Variants in SUSD3 observed in about 807,000 individuals in gnomAD.
The protein encoded by SUSD3 is sushi domain-containing protein 3.
A neutral mutation model predicts 20.6 loss-of-function variants in SUSD3; 18 were observed. That is an observed-to-expected ratio of 0.87 (90% CI 0.60 to 1.30). SUSD3 has a LOEUF of 1.30. SUSD3 is among the 50% of genes most tolerant of loss of function. The probability of loss-of-function intolerance (pLI) is 0.00; values close to 1 mark genes in which losing one functional copy is unlikely to be tolerated. For synonymous variants in SUSD3, 137 were observed against 141.5 expected (o/e 0.97, Z 0.23); for missense variants, 306 against 346.9 (o/e 0.88, Z 0.94).
chr9:93,071,638 C>T (rs1327038825), intron 1 of SUSD3, among the ~76,000 whole-genome samples: 1 of 152,170 alleles, frequency 6.6e-6, no homozygotes, highest in African/African-American at 2.4e-5. Flanking sequence ...CGATACATTG[C>T]GTCCTTCAAT....
intron 1 of SUSD3, among the ~76,000 whole-genome samples, chr9:93,065,566 G>A (rs4263832): frequency 6.6e-6 from 1 of 152,226 alleles, no homozygotes; most frequent in Non-Finnish European, 1.5e-5. Context: ...TAAGGACTGG[G>A]AAGTGTTGGC....
chr9:93,083,571 G>A (rs1408959079), intron 4 of SUSD3, among the ~76,000 whole-genome samples: 1 of 152,228 alleles, frequency 6.6e-6, no homozygotes, highest in East Asian at 1.9e-4. Context: ...TCACCTAGGG[G>A]TGGGTACTAC....
At chr9:93,072,500 T>C (rs1194861281) in intron 1 of SUSD3, among the ~76,000 whole-genome samples, 1 of 152,186 alleles carries the variant, frequency 6.6e-6, no homozygotes, top group African/African-American at 2.4e-5. Flanking sequence ...CTTCGGAGCC[T>C]GGCCTGAAGC....
At position 93,079,576 on chromosome 9, in the gene SUSD3, G is replaced by A; in HGVS notation, c.531G>A (p.Gln177=). Residue 177 remains glutamine (Q), a synonymous_variant, in exon 4 of 5, where the codon CAG becomes CAA. Transcript: ENST00000375472. The stretch of plus-strand genomic sequence containing the variant: ...ACAAACCCGTGAGCGGGCCCAGCCA[G>A]GCGCACGACAACCACAGCTTCACCA... The part of the protein sequence containing the change: ...HFNKPVSGPS[Q]AHDNHSFTTD... The A allele has an allele frequency of 6.2e-7, 1 of 1,613,998 alleles. No individual in the cohort carries two copies. The highest frequency in any genetic ancestry group is 2.2e-5 in the East Asian group (1 of 44,876).
chr9:93,066,926 TG>T (rs1465792849), intron 1 of SUSD3, among the ~76,000 whole-genome samples: 1 of 152,180 alleles, frequency 6.6e-6, no homozygotes, highest in East Asian at 1.9e-4. Context: ...CAGGCTGGTC[TG>T]GAACTCCTGA....
At chr9:93,064,867 A>C (rs777486729) in intron 1 of SUSD3, among the ~76,000 whole-genome samples, 1 of 152,158 alleles carries the variant, frequency 6.6e-6, no homozygotes, top group Non-Finnish European at 1.5e-5. Flanking sequence ...GGCCGGGCCT[A>C]CCCTCAAACC....
chr9:93,075,411 CTTT>C (rs58393196), intron 1 of SUSD3, among the ~76,000 whole-genome samples: 2 of 101,272 alleles, frequency 2.0e-5, no homozygotes, highest in African/African-American at 4.1e-5. Context: ...CTCTGTCCCT[CTTT>C]TTTTTTTTTT....
intron 1 of SUSD3, chr9:93,069,168 C>T: frequency 1.4e-6 from 1 of 702,276 alleles, no homozygotes; most frequent in Non-Finnish European, 2.6e-6. Flanking sequence ...ACACTGTGAG[C>T]CACTCTGAGT....
At chr9:93,060,450 T>G (rs1274992146) in intron 1 of SUSD3, among the ~76,000 whole-genome samples, 2 of 152,176 alleles carry the variant, frequency 1.3e-5, no homozygotes, top group Non-Finnish European at 2.9e-5. Flanking sequence ...ATCACTCCCC[T>G]GCCATGTGAC....
At chr9:93,082,420 C>T (rs899515530) in intron 4 of SUSD3, among the ~76,000 whole-genome samples, 4 of 150,186 alleles carry the variant, frequency 2.7e-5, no homozygotes, top group African/African-American at 9.8e-5. Flanking sequence ...CGGGTTCACA[C>T]CATTCTCCTG....
At chr9:93,066,684 C>T (rs1825727110) in intron 1 of SUSD3, among the ~76,000 whole-genome samples, 1 of 151,956 alleles carries the variant, frequency 6.6e-6, no homozygotes, top group African/African-American at 2.4e-5. Flanking sequence ...CAGATATGTG[C>T]TACCATCACT....
At chr9:93,064,150 C>T (rs1825615433) in intron 1 of SUSD3, among the ~76,000 whole-genome samples, 1 of 152,236 alleles carries the variant, frequency 6.6e-6, no homozygotes, top group Non-Finnish European at 1.5e-5. Context: ...CTGGTTCAAG[C>T]AATTCTCCTG....
rs1825380406 is a variant in SUSD3 at position 93,058,749 on chromosome 9, T to C, written c.7T>C (p.Trp3Arg). The C allele has an allele frequency of 8.1e-7, 1 of 1,235,004 alleles. No individual in the cohort carries two copies. The highest frequency in any genetic ancestry group is 1.6e-5 in the African/African-American group (1 of 64,184). The allele number at this position is 1,235,004 out of a possible 1,614,324, so 76.5% of individuals were successfully genotyped here. A position where few individuals can be genotyped will look rare whatever the true frequency, so the allele number is the denominator to read the frequency against. The change falls in exon 1 of 5, where the codon TGG becomes CGG. Residue 3 changes from tryptophan (W) to arginine (R), a missense_variant. Transcript: ENST00000375472. The stretch of plus-strand genomic sequence containing the variant: ...GCGCCTCGGAGCGCGCAGGATGCGC[T>C]GGGCGGCCGCCACCCTCCGTGGCAA... MR[W>R]AAATLRGKAR...
chr9:93,075,810 C>A lies in SUSD3; in HGVS notation c.115C>A (p.Pro39Thr). The change falls in exon 2 of 5, where the codon CCG becomes ACG. Residue 39 changes from proline to threonine, a missense_variant. By Grantham distance (38) the Pro-to-Thr change is conservative (BLOSUM62 -1). Coordinates refer to ENST00000375472, the MANE Select transcript of SUSD3 (RefSeq NM_145006.4). ...TGTCAKLRLPPQATFQVLRGN... is the reference protein window; with the variant it reads ...TGTCAKLRLPTQATFQVLRGN... The stretch of plus-strand genomic sequence containing the variant: ...CACGTGCGCTAAGCTGCGGCTACCC[C>A]CGCAAGCAACCTTCCAAGTCCTTCG... The A allele has an allele frequency of 6.2e-7, 1 of 1,612,560 alleles. No individual in the cohort carries two copies. Among genetic ancestry groups the A allele is most frequent in the Non-Finnish European group, 8.5e-7 (1 of 1,179,606 alleles).
At chr9:93,065,887 C>G (rs1825690697) in intron 1 of SUSD3, among the ~76,000 whole-genome samples, 1 of 152,236 alleles carries the variant, frequency 6.6e-6, no homozygotes, top group South Asian at 2.1e-4. Context: ...AGACAGAATT[C>G]AAGTCCTAGC....
At chr9:93,074,148 T>C (rs1554748319) in intron 1 of SUSD3, among the ~76,000 whole-genome samples, 1 of 152,100 alleles carries the variant, frequency 6.6e-6, no homozygotes, top group Non-Finnish European at 1.5e-5. Flanking sequence ...TGTGTCCTTA[T>C]TTAAGAACAT....
At chr9:93,076,411 G>A (rs910009170) in intron 2 of SUSD3, among the ~76,000 whole-genome samples, 4 of 152,140 alleles carry the variant, frequency 2.6e-5, no homozygotes, top group Admixed American at 1.3e-4. Context: ...CTGGCAACAC[G>A]GAAGGTCATA....
intron 4 of SUSD3, among the ~76,000 whole-genome samples, chr9:93,080,120 G>C (rs1005271471): frequency 6.6e-6 from 1 of 152,040 alleles, no homozygotes; most frequent in African/African-American, 2.4e-5. Context: ...CTGAGGTCAG[G>C]AGTTCGAGGC....
intron 1 of SUSD3, among the ~76,000 whole-genome samples, chr9:93,065,015 G>A (rs576104492): frequency 2.0e-5 from 3 of 152,234 alleles, no homozygotes; most frequent in Non-Finnish European, 2.9e-5. Context: ...CTAGGGATCA[G>A]CCCAGTGCCC....
Sources: gnomAD v4.1 joint callset for allele counts (sites outside exome capture counted in the v4.1 genomes callset) on GRCh38, gnomAD v4.1.1 for gene constraint, MANE v1.5 for transcripts, NCBI Gene and HGNC (gene_info 2026-07-23, HGNC 2026-07-21) for gene names.